FRMD4A: variants seen among roughly 807,000 people sequenced by gnomAD.
FRMD4A encodes the protein FERM domain containing 4A.
In FRMD4A, 29 loss-of-function variants were observed where a neutral mutation model predicts 129.1. The observed-to-expected ratio is 0.22, with a 90% confidence interval of 0.17 to 0.31. The LOEUF (loss-of-function observed/expected upper bound fraction) is 0.31. Among genes scored for constraint, FRMD4A ranks in the 10% least tolerant of loss-of-function variants. The probability of loss-of-function intolerance (pLI) is 1.00; values close to 1 mark genes in which losing one functional copy is unlikely to be tolerated. For missense variants in FRMD4A, 1,272 were observed against 1,375.8 expected, an observed-to-expected ratio of 0.92 and a Z score of 1.19; for synonymous variants, 634 against 571.6, an observed-to-expected ratio of 1.11 and a Z score of -1.56.
intron 2 of FRMD4A, among the ~76,000 whole-genome samples, chr10:14,221,674 C>T (rs1361652304): frequency 6.6e-6 from 1 of 152,092 alleles, no homozygotes; most frequent in Non-Finnish European, 1.5e-5. Context: ...ATCCTCCCGC[C>T]TCTGCCTCCC....
chr10:14,050,421 A>T (rs1834201786), intron 2 of FRMD4A, among the ~76,000 whole-genome samples: 2 of 152,192 alleles, frequency 1.3e-5, no homozygotes, highest in Admixed American at 6.5e-5. Context: ...ATGATGAAAG[A>T]CCTAATAAAA....
chr10:13,852,129 A>T (rs1431801729), intron 3 of FRMD4A, among the ~76,000 whole-genome samples: 2 of 152,194 alleles, frequency 1.3e-5, no homozygotes, highest in Non-Finnish European at 2.9e-5. Context: ...CATCTGTGGA[A>T]AAATTGTCTT....
At chr10:14,263,693 T>G (rs1173678671) in intron 2 of FRMD4A, among the ~76,000 whole-genome samples, 2 of 152,054 alleles carry the variant, frequency 1.3e-5, no homozygotes, top group African/African-American at 4.8e-5. Flanking sequence ...AGCTCCTTCG[T>G]GTTGCAGGGT....
chr10:13,685,662 T>C, intron 15 of FRMD4A: 4 of 982,928 alleles, frequency 4.1e-6, no homozygotes, highest in Non-Finnish European at 4.8e-6. Flanking sequence ...GTTATATCTC[T>C]TTTTAGTATT....
intron 2 of FRMD4A, chr10:14,083,360 G>A (rs1379384949): frequency 6.6e-6 from 1 of 152,252 alleles, no homozygotes. Flanking sequence ...TCTGGTCACT[G>A]AGTTGGTGAG....
At chr10:14,214,492 CTAATGTCCTA>C (rs1250557434) in intron 2 of FRMD4A, among the ~76,000 whole-genome samples, 2 of 152,222 alleles carry the variant, frequency 1.3e-5, no homozygotes, top group African/African-American at 2.4e-5. Context: ...CTGGCTAGCT[CTAATGTCCTA>C]TAACCTGTCT....
chr10:14,193,687 T>TAA lies in FRMD4A; in HGVS notation c.45+136369_45+136370dup, dbSNP rs11431301. ...GGACCAGCAGTGCTGGTCTACAAAT[T>TAA]AAAAAAAAAAAAACTACAAATAATA... On this transcript the variant is annotated intron_variant, in intron 2 of 24. Transcript: ENST00000357447. 4.1e-3 allele frequency among the ~76,000 whole-genome samples: 592 copies of TAA among 143,420 alleles called. 4 individuals are homozygous for TAA. The highest frequency in any genetic ancestry group is 0.014 in the African/African-American group (538 of 39,334). 94.1% of individuals were successfully genotyped at this position (143,420 alleles called of 152,430 possible). A position where few individuals can be genotyped will look rare whatever the true frequency, so the allele number is the denominator to read the frequency against.
At chr10:14,317,509 CTG>C (rs1169345465) in intron 2 of FRMD4A, among the ~76,000 whole-genome samples, 1 of 152,162 alleles carries the variant, frequency 6.6e-6, no homozygotes, top group Non-Finnish European at 1.5e-5. Flanking sequence ...TGTGTTGCAA[CTG>C]TTTGTTTATT....
chr10:13,979,171 T>C (rs1001902885), intron 2 of FRMD4A, among the ~76,000 whole-genome samples: 3 of 152,198 alleles, frequency 2.0e-5, no homozygotes, highest in African/African-American at 7.2e-5. Context: ...TTCGCAAGCA[T>C]GCATATGTGT....
At chr10:14,025,058 C>T (rs529629726) in intron 2 of FRMD4A, among the ~76,000 whole-genome samples, 70 of 152,350 alleles carry the variant, frequency 4.6e-4, no homozygotes, top group African/African-American at 1.5e-3. Flanking sequence ...CTGAAAAGCA[C>T]ATAGTCTTGT....
At chr10:14,005,013 T>C (rs112114766) in intron 2 of FRMD4A, among the ~76,000 whole-genome samples, 2,273 of 151,488 alleles carry the variant, frequency 0.015, 58 homozygotes, top group African/African-American at 0.053. Context: ...TATATTTCTT[T>C]CTTTCTTTCT....
Position 13,666,310 on chromosome 10 carries a change from G to T in FRMD4A, c.1390C>A (p.Arg464Ser). Residue 464 changes from arginine to serine, a missense_variant, in exon 18 of 25, where the codon CGC becomes AGC. By Grantham distance (110) the Arg-to-Ser change is moderately radical. Around this residue, in one of 2 missense-constraint regions of FRMD4A, gnomAD observed 972 missense variants for 892.3 expected, o/e 1.09. Coordinates refer to ENST00000357447, the MANE Select transcript of FRMD4A (RefSeq NM_018027.5). The stretch of plus-strand genomic sequence containing the variant: ...TGAATGGCAAACTCTCGTTCCAGGC[G>T]TTCCAGCTCAGCTTCCTGTGGGAGG... ...LPKGEEAELERLEREFAIQSQ... is the reference protein window; with the variant it reads ...LPKGEEAELESLEREFAIQSQ... 6.2e-7 allele frequency: 1 copy of T among 1,613,488 alleles called. No individual in the cohort carries two copies. Among genetic ancestry groups the T allele is most frequent in the Non-Finnish European group, 8.5e-7 (1 of 1,179,468 alleles).
intron 21 of FRMD4A, 66 bp from the exon 22 acceptor site, chr10:13,657,588 A>G: frequency 1.3e-5 from 18 of 1,383,130 alleles, no homozygotes; most frequent in Middle Eastern, 2.7e-4. Context: ...TGCTCCGGGG[A>G]GGAGGGGGTC....
chr10:14,053,131 T>C (rs1313120397), intron 2 of FRMD4A, among the ~76,000 whole-genome samples: 1 of 152,214 alleles, frequency 6.6e-6, no homozygotes, highest in Admixed American at 6.5e-5. Flanking sequence ...TCTACGGAGA[T>C]GGTGGGGCCA....
chr10:14,196,634 T>C (rs1366835663), intron 2 of FRMD4A, among the ~76,000 whole-genome samples: 1 of 152,256 alleles, frequency 6.6e-6, no homozygotes. Flanking sequence ...TCTATGTGGT[T>C]GTCTAAAAAT....
At chr10:14,277,830 G>C (rs924011316) in intron 2 of FRMD4A, among the ~76,000 whole-genome samples, 1 of 152,226 alleles carries the variant, frequency 6.6e-6, no homozygotes, top group Non-Finnish European at 1.5e-5. Flanking sequence ...CCCAGAGAGA[G>C]GGGAGCTCCG....
chr10:13,942,438 G>A (rs1052780492), intron 2 of FRMD4A, among the ~76,000 whole-genome samples: 4 of 152,240 alleles, frequency 2.6e-5, no homozygotes, highest in Admixed American at 6.5e-5. Flanking sequence ...ACTGAGCTAC[G>A]GGCCCTCAAG....
chr10:13,931,955 C>T (rs561392556), intron 2 of FRMD4A, among the ~76,000 whole-genome samples: 2 of 150,190 alleles, frequency 1.3e-5, no homozygotes, highest in Non-Finnish European at 3.0e-5. Flanking sequence ...TCTCAAAAAC[C>T]AACCAACCAA....
At chr10:13,867,207 A>G (rs1174667638) in intron 2 of FRMD4A, among the ~76,000 whole-genome samples, 3 of 152,160 alleles carry the variant, frequency 2.0e-5, no homozygotes, top group African/African-American at 7.2e-5. Flanking sequence ...TGGGTATCCA[A>G]TAGCGTTATG....
Sources: allele counts gnomAD v4.1 joint callset (sites outside exome capture counted in the v4.1 genomes callset), GRCh38; gene constraint gnomAD v4.1.1; regional missense constraint gnomAD v4.1.1; transcripts MANE v1.5; gene names NCBI Gene and HGNC (gene_info 2026-07-23, HGNC 2026-07-21).